The following COL6A5 variants were observed in gnomAD, a reference collection of about 807,000 sequenced individuals.
The protein encoded by COL6A5 is collagen alpha-5(VI) chain.
Under a neutral mutation model 65.6 loss-of-function variants are expected in COL6A5, and 48 were observed. The ratio of observed to expected loss-of-function variants is 0.73; its 90% CI spans 0.58 to 0.93. COL6A5 has a LOEUF of 0.93. COL6A5 is among the 40% of genes least tolerant of loss of function. The pLI is 0.00. For synonymous variants in COL6A5, 291 were observed against 322.8 expected, an observed-to-expected ratio of 0.90 and a Z score of 1.05; for missense variants, 914 against 928.3, an observed-to-expected ratio of 0.98 and a Z score of 0.20.
At chr3:130,455,473 A>G (rs772720011) in exon 5 of COL6A5, 8 of 1,611,634 alleles carry the variant, frequency 5.0e-6, no homozygotes, top group South Asian at 2.2e-5. Context: ...CTGAGCTACA[A>G]GAGGATTTTT....
At chr3:130,465,392 A>G (rs1028392158) in intron 5 of COL6A5, among the ~76,000 whole-genome samples, 2 of 152,068 alleles carry the variant, frequency 1.3e-5, no homozygotes, top group African/African-American at 4.8e-5. Flanking sequence ...AACCCTCTTA[A>G]AATAGTGCCA....
At position 130,409,358 on chromosome 3, in the gene COL6A5, G is replaced by A. The variant is rs547294666; in HGVS notation, c.4512G>A (p.Gln1504=). 4.5e-5 allele frequency: 69 copies of A among 1,548,300 alleles called. No individual in the cohort carries two copies. The South Asian group carries it at 7.4e-4, about 17-fold the overall frequency. The change falls in exon 18 of 42, where the codon CAG becomes CAA. Residue 1504 remains glutamine, a synonymous_variant and NMD_transcript_variant. Coordinates refer to the COL6A5 transcript ENST00000312481. ...CAGGTTCCAGAGGTGCCCCTGGGCA[G>A]TATGGAGAGAAGGGCTTCCCAGGGG...
intron 1 of COL6A5, among the ~76,000 whole-genome samples, chr3:130,369,718 G>A (rs1164482787): frequency 6.6e-6 from 1 of 152,128 alleles, no homozygotes; most frequent in Non-Finnish European, 1.5e-5. Context: ...CTCTTATTTT[G>A]TCTCCTGGCA....
At chr3:130,408,328 T>C (rs540773374) in intron 17 of COL6A5, among the ~76,000 whole-genome samples, 1 of 152,040 alleles carries the variant, frequency 6.6e-6, no homozygotes, top group Non-Finnish European at 1.5e-5. Context: ...GGAGTGTCTG[T>C]CTTATGTAGT....
intron 29 of COL6A5, among the ~76,000 whole-genome samples, chr3:130,425,548 A>T (rs1937586717): frequency 6.6e-6 from 1 of 152,116 alleles, no homozygotes; most frequent in African/African-American, 2.4e-5. Flanking sequence ...GCAAAGAGAA[A>T]AGCTCAAGCT....
intron 29 of COL6A5, among the ~76,000 whole-genome samples, chr3:130,424,522 G>T (rs1937569714): frequency 6.6e-6 from 1 of 152,062 alleles, no homozygotes; most frequent in East Asian, 1.9e-4. Flanking sequence ...ATTAAATATT[G>T]CGAGCACCTG....
intron 20 of COL6A5, among the ~76,000 whole-genome samples, chr3:130,412,466 C>T (rs1374687080): frequency 6.6e-6 from 1 of 152,144 alleles, no homozygotes; most frequent in Non-Finnish European, 1.5e-5. Context: ...AAACTGAGCT[C>T]AAGTCTGCCT....
In COL6A5 at chr3:130,361,544, G is replaced by GT. The variant is rs200237162; in HGVS notation, c.-28-12061dup. 3.9e-3 allele frequency among the ~76,000 whole-genome samples: 587 copies of GT among 152,136 alleles called. 2 individuals are homozygous for GT. The highest frequency in any genetic ancestry group is 0.013 in the African/African-American group (537 of 41,534). On this transcript the variant is annotated intron_variant and NMD_transcript_variant, in intron 1 of 41. Coordinates refer to the COL6A5 transcript ENST00000312481. ...CAATAAGGCTGAACATCCACGTGTAGTTTTTTGTATGGATGTAAGTTTTCA... is the reference window on the plus strand; with the variant it reads ...CAATAAGGCTGAACATCCACGTGTAGTTTTTTTGTATGGATGTAAGTTTTCA...
intron 24 of COL6A5, among the ~76,000 whole-genome samples, chr3:130,418,198 G>A (rs971633717): frequency 2.6e-5 from 4 of 152,054 alleles, no homozygotes; most frequent in Non-Finnish European, 4.4e-5. Context: ...AAGGTAGGGG[G>A]TCATTTACAA....
chr3:130,379,879 A>C (rs1288113634), exon 4 of COL6A5: 2 of 1,551,366 alleles, frequency 1.3e-6, no homozygotes. Context: ...CCAAGGGGCT[A>C]ACAATACCCA....
chr3:130,430,193 G>A (rs772221480), upstream of COL6A5, among the ~76,000 whole-genome samples: 1 of 152,196 alleles, frequency 6.6e-6, no homozygotes, highest in African/African-American at 2.4e-5. Flanking sequence ...CAAGTTTGGA[G>A]CCATTCACCT....
chr3:130,397,518 C>A, intron 8 of COL6A5, 65 bp from the exon 9 acceptor site: 2 of 1,298,704 alleles, frequency 1.5e-6, no homozygotes, highest in Non-Finnish European at 2.1e-6. Flanking sequence ...CTCCTTTTTT[C>A]TGCCGTCTCT....
chr3:130,394,979 T>C, exon 8 of COL6A5: 1 of 1,551,602 alleles, frequency 6.4e-7, no homozygotes, highest in Non-Finnish European at 8.7e-7. Context: ...GACAACTTTC[T>C]TGTCAGACTT....
At chr3:130,362,234 G>T (rs1935133769) in intron 1 of COL6A5, among the ~76,000 whole-genome samples, 1 of 126,608 alleles carries the variant, frequency 7.9e-6, no homozygotes, top group Non-Finnish European at 1.6e-5. Flanking sequence ...TAATTTTTGG[G>T]AAGGGTGTAA....
At position 130,416,826 on chromosome 3, in the gene COL6A5, A is replaced by T; in HGVS notation, c.4887+7A>T. On this transcript the variant is annotated splice_region_variant and intron_variant and NMD_transcript_variant, in intron 24 of 41. Coordinates refer to the COL6A5 transcript ENST00000312481. ...TGGACTTTTGGGGAAAAAAGTAGAT[A>T]TTATTTCTGTTTTTTAATTCTTTTA... The T allele has an allele frequency of 6.9e-7, 1 of 1,450,556 alleles. No individual in the cohort carries two copies. Among genetic ancestry groups the T allele is most frequent in the Non-Finnish European group, 9.3e-7 (1 of 1,072,620 alleles). The allele number at this position is 1,450,556 out of a possible 1,614,324, so 89.9% of individuals were successfully genotyped here.
intron 7 of COL6A5, among the ~76,000 whole-genome samples, chr3:130,475,559 G>T (rs912077474): frequency 6.6e-6 from 1 of 151,922 alleles, no homozygotes; most frequent in Non-Finnish European, 1.5e-5. Flanking sequence ...CAAAATAAAG[G>T]CATTCTCAGA....
intron 12 of COL6A5, among the ~76,000 whole-genome samples, chr3:130,403,161 GA>G (rs2107666248): frequency 6.6e-6 from 1 of 152,324 alleles, no homozygotes; most frequent in African/African-American, 2.4e-5. Flanking sequence ...CTAAGGGAGA[GA>G]TGACTGCAAT....
At chr3:130,365,228 T>C (rs2107625858) in intron 1 of COL6A5, among the ~76,000 whole-genome samples, 1 of 152,270 alleles carries the variant, frequency 6.6e-6, no homozygotes, top group Admixed American at 6.5e-5. Context: ...GAAGGAGTAA[T>C]GAACGTTGGG....
chr3:130,402,706 C>T (rs1245381959), intron 12 of COL6A5, among the ~76,000 whole-genome samples: 4 of 152,062 alleles, frequency 2.6e-5, no homozygotes, highest in Non-Finnish European at 4.4e-5. Context: ...CAATAATGCT[C>T]TATTTCTTGA....
Sources: gnomAD v4.1 joint callset for allele counts (sites outside exome capture counted in the v4.1 genomes callset) on GRCh38, gnomAD v4.1.1 for gene constraint, MANE v1.5 for transcripts, NCBI Gene and HGNC (gene_info 2026-07-23, HGNC 2026-07-21) for gene names.